The following ELAVL1 variants were observed in gnomAD, a reference collection of about 807,000 sequenced individuals.
The protein encoded by ELAVL1 is ELAV like RNA binding protein 1, also known as ELAV-like protein 1.
A neutral mutation model predicts 28.4 loss-of-function variants in ELAVL1; 1 was observed. The observed-to-expected ratio is 0.04, with a 90% CI of 0.01 to 0.17. The LOEUF is 0.17. ELAVL1 is among the 10% of genes least tolerant of loss of function. The probability of loss-of-function intolerance (pLI) is 1.00; values close to 1 mark genes in which losing one functional copy is unlikely to be tolerated. For missense variants in ELAVL1, 157 were observed against 447.2 expected (o/e 0.35, Z 5.85); for synonymous variants, 174 against 183.5 (o/e 0.95, Z 0.42).
rs1183822259 is a variant in ELAVL1, at chr19:7,988,014, C to T, written c.172+3630G>A. On this transcript the variant is annotated intron_variant, in intron 2 of 5. Coordinates refer to ENST00000407627, the MANE Select transcript of ELAVL1 (RefSeq NM_001419.3). ...AGTGAGGACAGTGGTCTTCAGGGAG[C>T]ATAGGAGGCCAGTTAAGAGGCCAAA... is the stretch of plus-strand genomic sequence containing the variant. Among the ~76,000 whole-genome samples, 8 of 152,140 alleles carry T rather than the reference C, an allele frequency of 5.3e-5. No homozygotes were observed. In the South Asian group the frequency reaches 1.7e-3, roughly 31 times the overall value.
Position 7,984,558 on chromosome 19 carries a change from G to A in ELAVL1, c.173-3372C>T, listed in dbSNP as rs62123124. On this transcript the variant is annotated intron_variant, in intron 2 of 5. Transcript: ENST00000407627. ...AGCGGGCTGGTGATCTAATCCAGAT[G>A]GGAGATGCAGGCTATGTGCACAGGC... Among the ~76,000 whole-genome samples the A allele has an allele frequency of 7.5e-3, 1,139 of 152,298 alleles. 4 individuals carry two copies. Among genetic ancestry groups the A allele is most frequent in the Non-Finnish European group, 0.013 (908 of 68,010 alleles).
In ELAVL1 at chr19:7,975,213, G is replaced by A. The variant is rs116614425; in HGVS notation, c.277-1335C>T. 4.1e-3 allele frequency among the ~76,000 whole-genome samples: 621 copies of A among 152,322 alleles called. 7 individuals carry two copies. Among genetic ancestry groups the A allele is most frequent in the African/African-American group, 0.014 (578 of 41,574 alleles). On this transcript the variant is annotated intron_variant, in intron 3 of 5. Coordinates refer to ENST00000407627, the MANE Select transcript of ELAVL1 (RefSeq NM_001419.3). The stretch of plus-strand genomic sequence containing the variant: ...TGGCCCCCAGCCTCCCCTAGTGTCC[G>A]GGCTTGCCCTGGCTCCCTGCAGACC...
At chr19:7,968,861 TG>T (rs1985028135) in intron 4 of ELAVL1, among the ~76,000 whole-genome samples, 1 of 151,846 alleles carries the variant, frequency 6.6e-6, no homozygotes, top group Admixed American at 6.6e-5. Flanking sequence ...GGCTGGAAAC[TG>T]GATGAGGGGG....
chr19:7,990,692 C>T (rs965606413), intron 2 of ELAVL1, among the ~76,000 whole-genome samples: 10 of 152,108 alleles, frequency 6.6e-5, no homozygotes, highest in African/African-American at 2.4e-4. Context: ...TATAGGGAAT[C>T]ACAGTCCCCA....
At chr19:7,976,401 C>CA (rs879778388) in intron 3 of ELAVL1, among the ~76,000 whole-genome samples, 538 of 132,642 alleles carry the variant, frequency 4.1e-3, no homozygotes, top group East Asian at 0.015. Context: ...GACTCCATCT[C>CA]AAAAAAAAAA....
chr19:7,968,000 G>A (rs752139813), intron 4 of ELAVL1, among the ~76,000 whole-genome samples: 13 of 152,170 alleles, frequency 8.5e-5, no homozygotes, highest in Admixed American at 1.3e-4. Flanking sequence ...CTTTCTTCCC[G>A]GCTGAAGCCA....
rs1039032183 is a variant in ELAVL1 at position 7,973,997 on chromosome 19, G to T, written c.277-119C>A. ...GTGTGTTAGAAATCATGCAGGGAAC[G>T]ATTATCATCACTGACGCTCACCGCC... On this transcript the variant is annotated intron_variant, in intron 3 of 5. Coordinates refer to ENST00000407627, the MANE Select transcript of ELAVL1 (RefSeq NM_001419.3). 9 of 1,306,654 alleles carry T rather than the reference G, an allele frequency of 6.9e-6. No individual in the cohort carries two copies. The African/African-American group carries it at 7.4e-5, about 11-fold the overall frequency. 80.9% of individuals were successfully genotyped at this position (1,306,654 alleles called of 1,614,324 possible).
intron 4 of ELAVL1, chr19:7,973,336 T>G: frequency 3.2e-6 from 1 of 313,778 alleles, no homozygotes; most frequent in Non-Finnish European, 5.8e-6. Context: ...GTTCATGCCA[T>G]TCTCCTGTCT....
intron 5 of ELAVL1, 83 bp downstream of exon 5, chr19:7,967,482 C>T (rs967297384): frequency 2.6e-5 from 37 of 1,441,014 alleles, no homozygotes; most frequent in South Asian, 5.2e-5. Flanking sequence ...CTATCATCCC[C>T]GTGGTTTCTA....
At chr19:7,998,562 C>A (rs1291739086) in intron 1 of ELAVL1, among the ~76,000 whole-genome samples, 1 of 152,220 alleles carries the variant, frequency 6.6e-6, no homozygotes, top group East Asian at 1.9e-4. Flanking sequence ...CAGCTTCTTG[C>A]CAATATGCTA....
At chr19:7,967,869 A>G (rs1192699768) in intron 4 of ELAVL1, 79 bp from the exon 5 acceptor site, 52 of 1,491,248 alleles carry the variant, frequency 3.5e-5, no homozygotes, top group Non-Finnish European at 4.0e-5. Flanking sequence ...AAGTCAGGTC[A>G]GTCTACTGTG....
intron 5 of ELAVL1, 132 bp downstream of exon 5, chr19:7,967,433 G>A (rs149059954): frequency 2.0e-6 from 2 of 1,000,162 alleles, no homozygotes; most frequent in Non-Finnish European, 1.5e-6. Flanking sequence ...GTGTGGAGCT[G>A]CAGAATGATT....
rs531546557 is a variant in ELAVL1, at chr19:7,996,571, C to T, written c.-16-4740G>A. On this transcript the variant is annotated intron_variant, in intron 1 of 5. Transcript: ENST00000407627. The stretch of plus-strand genomic sequence containing the variant: ...CTGGAATTCCAGCACTTTGGGAGGC[C>T]GAGGTGGGTGGATCACCTGAGGTCA... 2.6e-5 allele frequency among the ~76,000 whole-genome samples: 4 copies of T among 151,644 alleles called. No homozygotes were observed. The South Asian group carries it at 6.3e-4, about 24-fold the overall frequency.
intron 4 of ELAVL1, chr19:7,973,356 G>A (rs1272043625): frequency 5.9e-6 from 2 of 337,258 alleles, no homozygotes; most frequent in Non-Finnish European, 1.1e-5. Context: ...TCAGCCTCCC[G>A]AGTAGCTGGG....
chr19:7,987,855 T>C (rs915903143), intron 2 of ELAVL1, among the ~76,000 whole-genome samples: 1 of 152,278 alleles, frequency 6.6e-6, no homozygotes, highest in African/African-American at 2.4e-5. Flanking sequence ...CCAGGTGCCA[T>C]AGGAACCCAC....
At chr19:7,971,615 C>T (rs1568308860) in intron 4 of ELAVL1, among the ~76,000 whole-genome samples, 1 of 152,370 alleles carries the variant, frequency 6.6e-6, no homozygotes, top group Admixed American at 6.5e-5. Flanking sequence ...CTGGCATCCC[C>T]CGACCCTCTC....
At chr19:7,978,380 G>A (rs574569285) in intron 3 of ELAVL1, among the ~76,000 whole-genome samples, 37 of 152,132 alleles carry the variant, frequency 2.4e-4, no homozygotes, top group Middle Eastern at 3.2e-3. Flanking sequence ...CCTCCAGGGT[G>A]GGGGAGGGGA....
chr19:7,985,889 T>G (rs1007269682), intron 2 of ELAVL1, among the ~76,000 whole-genome samples: 6 of 152,138 alleles, frequency 3.9e-5, no homozygotes, highest in African/African-American at 1.4e-4. Context: ...GAGAGTCACA[T>G]TTCCCCAAGT....
At position 7,979,256 on chromosome 19, in the gene ELAVL1, C is replaced by T. The variant is rs1052783931; in HGVS notation, c.276+1827G>A. 1.3e-5 allele frequency among the ~76,000 whole-genome samples: 2 copies of T among 152,142 alleles called. No homozygotes were observed. The highest frequency in any genetic ancestry group is 6.5e-5 in the Admixed American group (1 of 15,286). On this transcript the variant is annotated intron_variant, in intron 3 of 5. Transcript: ENST00000407627. This position sits in a 1 kb window ranked among gnomAD's most constrained non-coding sequence, Gnocchi z 5.4. ...AGACTCTGCCGGCAGAGGGCAGGGC[C>T]GCCGAAGGTGAGGCAGGCTTCTGCA...
Sources: gnomAD v4.1 joint callset for allele counts (sites outside exome capture counted in the v4.1 genomes callset) on GRCh38, gnomAD v4.1.1 for gene constraint, Gnocchi (gnomAD v3.1) non-coding constraint, MANE v1.5 for transcripts, NCBI Gene and HGNC (gene_info 2026-07-23, HGNC 2026-07-21) for gene names.